The following TAFA1 variants were observed in gnomAD, a reference collection of about 807,000 sequenced individuals.
TAFA1 encodes the protein TAFA chemokine like family member 1, also known as chemokine-like protein TAFA-1.
In TAFA1, 4 loss-of-function variants were observed where a neutral mutation model predicts 18.5. The observed-to-expected ratio is 0.22, with a 90% confidence interval of 0.11 to 0.49. The LOEUF is 0.49. Ranked by LOEUF, TAFA1 falls within the 20% of genes least tolerant of loss-of-function variation. The pLI, the probability that TAFA1 is intolerant of heterozygous loss-of-function variation, is 0.98. For missense variants in TAFA1, 147 were observed against 169.0 expected (o/e 0.87, Z 0.72); for synonymous variants, 56 against 55.2 (o/e 1.01, Z -0.06).
Position 68,215,887 on chromosome 3 carries a change from C to T in TAFA1, c.119-201393C>T, listed in dbSNP as rs552997946. On this transcript the variant is annotated intron_variant, in intron 2 of 4. Coordinates refer to ENST00000478136, the MANE Select transcript of TAFA1 (RefSeq NM_213609.4). ...TGTTCATAGTGGCTTTATTCATAAA[C>T]ATCCCAAACTGTAAACAACCAAGAT... 7.9e-5 allele frequency among the ~76,000 whole-genome samples: 12 copies of T among 152,154 alleles called. No homozygotes were observed. In the South Asian group the frequency reaches 2.5e-3, roughly 32 times the overall value.
chr3:68,482,469 G>A (rs560958337), intron 3 of TAFA1, among the ~76,000 whole-genome samples: 1 of 152,304 alleles, frequency 6.6e-6, no homozygotes, highest in South Asian at 2.1e-4. Flanking sequence ...CCAGGGAGAT[G>A]AGAATGGGTA....
chr3:68,062,432 G>C (rs948991245), intron 2 of TAFA1, among the ~76,000 whole-genome samples: 1 of 152,114 alleles, frequency 6.6e-6, no homozygotes, highest in African/African-American at 2.4e-5. Flanking sequence ...ATAATGCGCA[G>C]GTCCTGAAAG....
At chr3:68,481,998 A>G (rs770752796) in intron 3 of TAFA1, among the ~76,000 whole-genome samples, 1 of 152,166 alleles carries the variant, frequency 6.6e-6, no homozygotes, top group Non-Finnish European at 1.5e-5. Flanking sequence ...TCCAAAAGAC[A>G]GCATACTTTC....
intron 2 of TAFA1, among the ~76,000 whole-genome samples, chr3:68,380,562 A>G (rs368397261): frequency 2.6e-5 from 4 of 152,248 alleles, no homozygotes; most frequent in East Asian, 1.9e-4. Flanking sequence ...CTGCATAAAT[A>G]TCTTCTTTTG....
chr3:68,290,215 A>AT (rs2068082855), intron 2 of TAFA1, among the ~76,000 whole-genome samples: 1 of 152,174 alleles, frequency 6.6e-6, no homozygotes, highest in African/African-American at 2.4e-5. Flanking sequence ...TATTTCTCAA[A>AT]TTTATTTTTC....
chr3:68,483,724 C>T (rs1383350771), intron 3 of TAFA1, among the ~76,000 whole-genome samples: 1 of 152,128 alleles, frequency 6.6e-6, no homozygotes, highest in African/African-American at 2.4e-5. Context: ...TATAGGTAAA[C>T]TTGTGGGAGA....
chr3:68,106,644 T>G (rs564332110), intron 2 of TAFA1, among the ~76,000 whole-genome samples: 14 of 152,130 alleles, frequency 9.2e-5, no homozygotes, highest in Non-Finnish European at 1.6e-4. Context: ...GTTAAGAAAG[T>G]GAAAAGGCAA....
At chr3:68,379,404 G>C (rs949625579) in intron 2 of TAFA1, among the ~76,000 whole-genome samples, 1 of 152,218 alleles carries the variant, frequency 6.6e-6, no homozygotes, top group Non-Finnish European at 1.5e-5. Flanking sequence ...ACCATTGTCA[G>C]ATGCACAGTT....
chr3:68,486,402 G>A lies in TAFA1; in HGVS notation c.260-52354G>A, dbSNP rs549762117. ...ATGACCATGTTCACAAATTCAGGCC[G>A]TCTACCTGGACCTTGGTCGTTCCCA... On this transcript the variant is annotated intron_variant, in intron 3 of 4. Coordinates refer to ENST00000478136, the MANE Select transcript of TAFA1 (RefSeq NM_213609.4). 7.2e-5 allele frequency among the ~76,000 whole-genome samples: 11 copies of A among 152,174 alleles called. No homozygotes were observed. The East Asian group carries it at 1.5e-3, about 21-fold the overall frequency.
At chr3:68,387,562 T>C (rs186640319) in intron 2 of TAFA1, among the ~76,000 whole-genome samples, 2 of 152,284 alleles carry the variant, frequency 1.3e-5, no homozygotes, top group East Asian at 3.9e-4. Flanking sequence ...TACTAGTAAA[T>C]AACTCTGAGC....
intron 2 of TAFA1, among the ~76,000 whole-genome samples, chr3:68,245,331 C>G (rs79557653): frequency 8.4e-4 from 128 of 152,284 alleles, no homozygotes; most frequent in African/African-American, 3.0e-3. Context: ...TGATTTTTAG[C>G]AGAGGCCATG....
At chr3:68,531,056 T>A (rs1356662672) in intron 3 of TAFA1, among the ~76,000 whole-genome samples, 2 of 69,374 alleles carry the variant, frequency 2.9e-5, no homozygotes, top group Non-Finnish European at 6.8e-5. Context: ...AAACAAAACA[T>A]GGATTTGGTG....
At chr3:68,447,029 T>C (rs1396223758) in intron 3 of TAFA1, among the ~76,000 whole-genome samples, 1 of 152,180 alleles carries the variant, frequency 6.6e-6, no homozygotes, top group Non-Finnish European at 1.5e-5. Context: ...TCTTTCATAA[T>C]GTTGGGTCAG....
At chr3:68,197,572 CT>C (rs550753280) in intron 2 of TAFA1, among the ~76,000 whole-genome samples, 237 of 148,286 alleles carry the variant, frequency 1.6e-3, no homozygotes, top group Middle Eastern at 3.5e-3. Context: ...ATGTCAATGC[CT>C]TTTTTTTTTA....
At chr3:68,343,415 G>A (rs553062477) in intron 2 of TAFA1, among the ~76,000 whole-genome samples, 1 of 152,258 alleles carries the variant, frequency 6.6e-6, no homozygotes, top group Admixed American at 6.5e-5. Context: ...ACTGGTCTCT[G>A]TGCTTTGAAA....
chr3:68,428,683 T>G, intron 3 of TAFA1, among the ~76,000 whole-genome samples: 1 of 151,946 alleles, frequency 6.6e-6, no homozygotes, highest in Non-Finnish European at 1.5e-5. Context: ...TATTACTTGG[T>G]ATTTTCATTA....
chr3:68,387,910 A>G (rs1403653709), intron 2 of TAFA1, among the ~76,000 whole-genome samples: 1 of 152,204 alleles, frequency 6.6e-6, no homozygotes, highest in East Asian at 1.9e-4. Flanking sequence ...GTGTTTAACA[A>G]AAGTATCTAA....
intron 2 of TAFA1, among the ~76,000 whole-genome samples, chr3:68,398,947 C>A (rs1195923508): frequency 6.6e-6 from 1 of 152,130 alleles, no homozygotes; most frequent in Non-Finnish European, 1.5e-5. Flanking sequence ...AAATTTCTCT[C>A]TCATTTAGTC....
At chr3:68,105,816 T>G (rs2106826273) in intron 2 of TAFA1, among the ~76,000 whole-genome samples, 1 of 152,274 alleles carries the variant, frequency 6.6e-6, no homozygotes, top group East Asian at 1.9e-4. Flanking sequence ...ATAATTTCTT[T>G]GCAAGAGATT....
Sources: allele counts gnomAD v4.1 joint callset (sites outside exome capture counted in the v4.1 genomes callset), GRCh38; gene constraint gnomAD v4.1.1; transcripts MANE v1.5; gene names NCBI Gene and HGNC (gene_info 2026-07-23, HGNC 2026-07-21).